MTOR: variants seen among roughly 807,000 people sequenced by gnomAD.
MTOR encodes serine/threonine-protein kinase mTOR.
In MTOR, 70 loss-of-function variants were observed where a neutral mutation model predicts 319.8. The ratio of observed to expected loss-of-function variants is 0.22; its 90% CI spans 0.18 to 0.27. The LOEUF (loss-of-function observed/expected upper bound fraction) is 0.27, where lower values mean the gene tolerates loss of function less well. Ranked by LOEUF, MTOR falls within the 10% of genes least tolerant of loss-of-function variation. MTOR has a pLI of 1.00. For missense variants in MTOR, 1,890 were observed against 3,274.4 expected (o/e 0.58, Z 10.32); for synonymous variants, 1,183 against 1,211.4 (o/e 0.98, Z 0.49).
chr1:11,259,308 C>G lies in MTOR; in HGVS notation c.102G>C (p.Glu34Asp), dbSNP rs769367158. ...QFASGLKSRNEETRAKAAKEL... is the reference protein window; with the variant it reads ...QFASGLKSRNDETRAKAAKEL... Reference sequence around the variant, plus strand: ...CCTTGGCGGCTTTGGCCCTGGTTTCCTCATTCCGGCTCTTTAGGCCACTGG... The same window carrying G: ...CCTTGGCGGCTTTGGCCCTGGTTTCGTCATTCCGGCTCTTTAGGCCACTGG... The change falls in exon 2 of 58, where the codon GAG (glutamate) becomes GAC (aspartate). Residue 34 changes from glutamate (E) to aspartate (D), a missense_variant. This residue lies in a region of MTOR where 85 missense variants were observed against 105.8 expected (regional missense o/e 0.80). Coordinates refer to ENST00000361445, the MANE Select transcript of MTOR (RefSeq NM_004958.4). The G allele has an allele frequency of 6.2e-7, 1 of 1,613,868 alleles. No individual in the cohort carries two copies. The highest frequency in any genetic ancestry group is 8.5e-7 in the Non-Finnish European group (1 of 1,179,914).
intron 28 of MTOR, chr1:11,195,037 T>C: frequency 6.2e-7 from 1 of 1,612,040 alleles, no homozygotes; most frequent in East Asian, 2.2e-5. Context: ...GAGGCTGCCG[T>C]GGAGCACGGA....
At chr1:11,160,639 A>G (rs934115424) in intron 29 of MTOR, among the ~76,000 whole-genome samples, 1 of 152,230 alleles carries the variant, frequency 6.6e-6, no homozygotes, top group African/African-American at 2.4e-5. Flanking sequence ...GTAAAATGTG[A>G]TAACAGCAGT....
At chr1:11,170,519 C>G (rs1644779103) in intron 28 of MTOR, among the ~76,000 whole-genome samples, 1 of 151,572 alleles carries the variant, frequency 6.6e-6, no homozygotes, top group African/African-American at 2.4e-5. Flanking sequence ...AGTTTTAAAC[C>G]AGCCTGGGCA....
In MTOR at chr1:11,128,563, A is replaced by G. The variant is rs1469193511; in HGVS notation, c.5812-11T>C. The G allele has an allele frequency of 1.2e-6, 2 of 1,611,846 alleles. No individual in the cohort carries two copies. The highest frequency in any genetic ancestry group is 3.3e-5 in the Admixed American group (2 of 60,032). On this transcript the variant is annotated splice_polypyrimidine_tract_variant and intron_variant, in intron 41 of 57. Transcript: ENST00000361445. This position sits in a 1 kb window ranked among gnomAD's most constrained non-coding sequence, Gnocchi z 5.3. ...GAGCTGAGGTATAACCTGGTATTCA[A>G]AAAGACACAGTATGTAGCATATGAG...
intron 2 of MTOR, 148 bp from the exon 3 acceptor site, chr1:11,258,741 T>C: frequency 1.7e-6 from 1 of 603,552 alleles, no homozygotes. Flanking sequence ...TCTATAGGAT[T>C]ACACTGTAGA....
intron 20 of MTOR, among the ~76,000 whole-genome samples, chr1:11,213,994 C>T (rs1646392561): frequency 6.6e-6 from 1 of 152,226 alleles, no homozygotes; most frequent in Non-Finnish European, 1.5e-5. Flanking sequence ...GCTGTCCTCC[C>T]TCTAGACTGT....
At chr1:11,148,497 T>C (rs928828238) in intron 31 of MTOR, among the ~76,000 whole-genome samples, 1 of 152,052 alleles carries the variant, frequency 6.6e-6, no homozygotes, top group Non-Finnish European at 1.5e-5. Context: ...GGTAGAATGG[T>C]TTAAGAAAAA....
chr1:11,159,238 C>T (rs780260181), intron 29 of MTOR, among the ~76,000 whole-genome samples: 5 of 152,158 alleles, frequency 3.3e-5, no homozygotes, highest in Non-Finnish European at 7.3e-5. Context: ...AGTGCCCTCT[C>T]GCCCTACTTT....
At chr1:11,108,029 C>G in intron 57 of MTOR, 152 bp downstream of exon 57, 1 of 581,580 alleles carries the variant, frequency 1.7e-6, no homozygotes, top group East Asian at 3.0e-5. Flanking sequence ...ACAATGGGCA[C>G]ATGCAGTAAA....
At position 11,199,750 on chromosome 1, in the gene MTOR, C is replaced by T; in HGVS notation, c.3945-47G>A. On this transcript the variant is annotated intron_variant, in intron 26 of 57. Coordinates refer to ENST00000361445, the MANE Select transcript of MTOR (RefSeq NM_004958.4). The surrounding 1 kb of genome is among the most constrained non-coding windows in gnomAD (Gnocchi z 4.5). ...AATGGAGAGACCTCCCGTGCCTCTG[C>T]CTGCTGCCTCAAAGTCACACCTATC... 1 of 1,601,898 alleles carries T rather than the reference C, an allele frequency of 6.2e-7. No homozygotes were observed. Among genetic ancestry groups the T allele is most frequent in the Non-Finnish European group, 8.5e-7 (1 of 1,172,572 alleles).
At chr1:11,195,848 G>A (rs1444755740) in intron 28 of MTOR, 2 of 152,336 alleles carry the variant, frequency 1.3e-5, no homozygotes, top group Admixed American at 1.3e-4. Context: ...GTTGAAAACT[G>A]AAGGTAGATG....
rs767604889 is a variant in MTOR, at chr1:11,189,594, T to C, written c.4253+9664A>G. 69 of 1,605,988 alleles carry C rather than the reference T, an allele frequency of 4.3e-5. No homozygotes were observed. The highest frequency in any genetic ancestry group is 5.7e-5 in the Non-Finnish European group (67 of 1,176,274). On this transcript the variant is annotated intron_variant, in intron 28 of 57. Transcript: ENST00000361445. ...ACCCACAAAAGATGCTGAAAAAGCC[T>C]CTCTCAGCTGTGACCTGGCTCTGCA...
intron 56 of MTOR, 83 bp from the exon 57 acceptor site, chr1:11,108,369 G>T: frequency 9.3e-7 from 1 of 1,070,176 alleles, no homozygotes; most frequent in Non-Finnish European, 1.4e-6. Flanking sequence ...AACTGTCTAT[G>T]CCAACAGCTT....
chr1:11,194,540 T>C (rs146889973), intron 28 of MTOR: 16 of 1,613,974 alleles, frequency 9.9e-6, no homozygotes, highest in Middle Eastern at 1.6e-4. Context: ...CGCCTCTTCC[T>C]GGGGAACTAC....
intron 28 of MTOR, chr1:11,193,520 C>G: frequency 6.7e-7 from 1 of 1,482,874 alleles, no homozygotes; most frequent in Admixed American, 2.2e-5. Context: ...GGAAGCCTGC[C>G]CTCTTGCTCC....
intron 28 of MTOR, among the ~76,000 whole-genome samples, chr1:11,183,997 G>T (rs1047205559): frequency 6.6e-6 from 1 of 152,192 alleles, no homozygotes; most frequent in African/African-American, 2.4e-5. Context: ...ATGTGGGTCT[G>T]TTTCTGGACA....
chr1:11,241,367 T>C (rs368401024), intron 10 of MTOR, among the ~76,000 whole-genome samples, 186 bp downstream of exon 10: 2 of 150,788 alleles, frequency 1.3e-5, no homozygotes, highest in Non-Finnish European at 3.0e-5. Flanking sequence ...TTAAATAACT[T>C]AGTCAAGATC....
chr1:11,168,675 C>A (rs1644720637), intron 28 of MTOR, among the ~76,000 whole-genome samples: 1 of 152,200 alleles, frequency 6.6e-6, no homozygotes, highest in Non-Finnish European at 1.5e-5. Context: ...CCCTGCTCTG[C>A]TGATGCCATC....
At position 11,256,111 on chromosome 1, in the gene MTOR, C is replaced by T. The variant is rs1043023452; in HGVS notation, c.586G>A (p.Val196Met). ...GCCTGTTTGGGGTCCCACACGGCCA[C>T]AAAAATGTTGTCAAAGAAGGGTTGC... is the stretch of plus-strand genomic sequence containing the variant. Reference protein sequence around the residue: ...QVQPFFDNIFVAVWDPKQAIR... With the variant: ...QVQPFFDNIFMAVWDPKQAIR... The change falls in exon 5 of 58, where the codon GTG becomes ATG. Residue 196 changes from valine to methionine, a missense_variant. Transcript: ENST00000361445. The T allele has an allele frequency of 2.5e-6, 4 of 1,614,120 alleles. No homozygotes were observed. The East Asian group carries it at 6.7e-5, about 27-fold the overall frequency.
Sources: gnomAD v4.1 joint callset for allele counts (sites outside exome capture counted in the v4.1 genomes callset) on GRCh38, gnomAD v4.1.1 for gene constraint, gnomAD v4.1.1 regional missense constraint, Gnocchi (gnomAD v3.1) non-coding constraint, MANE v1.5 for transcripts, NCBI Gene and HGNC (gene_info 2026-07-23, HGNC 2026-07-21) for gene names.